Variants in ABCB1 observed in about 807,000 individuals in gnomAD.
ABCB1 encodes the protein ATP binding cassette subfamily B member 1, also known as ATP-dependent translocase ABCB1.
ABCB1 carries 69 observed loss-of-function variants against 142.0 expected under a neutral mutation model. That is an observed-to-expected ratio of 0.49 (90% CI 0.40 to 0.59). The LOEUF is 0.59. Among genes scored for constraint, ABCB1 ranks in the 20% least tolerant of loss-of-function variants. ABCB1 has a pLI of 0.00. For synonymous variants in ABCB1, 532 were observed against 539.2 expected, an observed-to-expected ratio of 0.99 and a Z score of 0.18; for missense variants, 1,326 against 1,554.7, an observed-to-expected ratio of 0.85 and a Z score of 2.47.
At chr7:87,506,575 C>G (rs1814759725) in intron 26 of ABCB1, among the ~76,000 whole-genome samples, 16 of 152,228 alleles carry the variant, frequency 1.1e-4, no homozygotes, top group Middle Eastern at 6.8e-3. Flanking sequence ...ATTTTGATAT[C>G]TAACTTTGAA....
chr7:87,513,729 G>T (rs1463607043), intron 25 of ABCB1, among the ~76,000 whole-genome samples: 1 of 152,132 alleles, frequency 6.6e-6, no homozygotes, highest in Non-Finnish European at 1.5e-5. Context: ...TATCTCTTAA[G>T]AACTAGCTCT....
chr7:87,530,052 C>A (rs1210064128), intron 21 of ABCB1, among the ~76,000 whole-genome samples: 1 of 152,206 alleles, frequency 6.6e-6, no homozygotes, highest in African/African-American at 2.4e-5. Flanking sequence ...GATAAAGAGT[C>A]TGAAGAGATA....
At chr7:87,539,930 A>G (rs1309285595) in intron 18 of ABCB1, among the ~76,000 whole-genome samples, 2 of 152,142 alleles carry the variant, frequency 1.3e-5, no homozygotes, top group Non-Finnish European at 2.9e-5. Flanking sequence ...TTCTTAACCA[A>G]ATTTACATTG....
At chr7:87,573,704 C>T (rs996543782) in intron 4 of ABCB1, among the ~76,000 whole-genome samples, 1 of 152,112 alleles carries the variant, frequency 6.6e-6, no homozygotes, top group African/African-American at 2.4e-5. Context: ...GCAATCTTGC[C>T]ACAATATACA....
In ABCB1 at chr7:87,516,631, C is replaced by T. The variant is rs753967146; in HGVS notation, c.2962G>A (p.Val988Met). 121 of 1,613,614 alleles carry T rather than the reference C, an allele frequency of 7.5e-5. 1 individual carries two copies. The highest frequency in any genetic ancestry group is 3.3e-4 in the Middle Eastern group (2 of 6,082). The change falls in exon 24 of 28, where the codon GTG becomes ATG. Residue 988 changes from valine (V) to methionine (M), a missense_variant. Coordinates refer to ENST00000622132, the MANE Select transcript of ABCB1 (RefSeq NM_001348946.2). ...GGAGCAAATGAACTGACTTGCCCCACGGCCATGGCACCAAAGACAACAGCT... is the reference window on the plus strand; with the variant it reads ...GGAGCAAATGAACTGACTTGCCCCATGGCCATGGCACCAAAGACAACAGCT... ...FSAVVFGAMA[V>M]GQVSSFAPDY...
At chr7:87,546,114 T>A in intron 14 of ABCB1, 90 bp from the exon 15 acceptor site, 1 of 1,327,772 alleles carries the variant, frequency 7.5e-7, no homozygotes, top group South Asian at 1.2e-5. Context: ...ACCAATGCTG[T>A]GGGCATTGTA....
intron 1 of ABCB1, among the ~76,000 whole-genome samples, chr7:87,712,122 T>G (rs1244421474): frequency 1.3e-5 from 2 of 152,134 alleles, no homozygotes; most frequent in African/African-American, 4.8e-5. Context: ...CTTTTAATTT[T>G]GAGATACAAA....
upstream of ABCB1, among the ~76,000 whole-genome samples, chr7:87,604,585 T>A (rs1213178923): frequency 6.6e-6 from 1 of 152,120 alleles, no homozygotes; most frequent in Non-Finnish European, 1.5e-5. Context: ...CTTGAACTCA[T>A]GTTGGATTAC....
chr7:87,575,633 G>A (rs1818241634), intron 4 of ABCB1, among the ~76,000 whole-genome samples: 2 of 151,964 alleles, frequency 1.3e-5, no homozygotes, highest in Admixed American at 6.6e-5. Flanking sequence ...AGGGGAATTT[G>A]GATCTTTTGC....
At chr7:87,544,678 A>T in intron 16 of ABCB1, 145 bp downstream of exon 16, 1 of 792,574 alleles carries the variant, frequency 1.3e-6, no homozygotes, top group South Asian at 1.7e-5. Flanking sequence ...TTCTAACCTG[A>T]TTCTAAAATG....
intron 8 of ABCB1, 22 bp downstream of exon 8, chr7:87,561,241 C>G: frequency 6.2e-7 from 1 of 1,612,804 alleles, no homozygotes; most frequent in African/African-American, 1.3e-5. Context: ...CATATCTATC[C>G]ATTTAAAAAA....
intron 3 of ABCB1, among the ~76,000 whole-genome samples, chr7:87,586,785 T>G (rs1281133810): frequency 6.6e-6 from 1 of 152,044 alleles, no homozygotes; most frequent in Admixed American, 6.6e-5. Flanking sequence ...GACTGCCGAG[T>G]GGAGAAATAA....
intron 4 of ABCB1, among the ~76,000 whole-genome samples, chr7:87,583,245 C>T (rs1199051497): frequency 6.6e-6 from 1 of 152,108 alleles, no homozygotes; most frequent in African/African-American, 2.4e-5. Context: ...TCACAACCAT[C>T]CTGAGAAGTA....
chr7:87,640,005 T>G (rs1207263565), intron 1 of ABCB1, among the ~76,000 whole-genome samples: 6 of 151,094 alleles, frequency 4.0e-5, no homozygotes, highest in African/African-American at 7.2e-5. Flanking sequence ...TGATTCCAGT[T>G]TTTTACTTTG....
intron 1 of ABCB1, among the ~76,000 whole-genome samples, chr7:87,708,654 C>G (rs980778112): frequency 6.6e-6 from 1 of 151,482 alleles, no homozygotes; most frequent in Non-Finnish European, 1.5e-5. Context: ...TTTTTTTAAA[C>G]TCTCTTAAAT....
chr7:87,608,003 A>G (rs990902712), intron 1 of ABCB1, among the ~76,000 whole-genome samples: 2 of 152,184 alleles, frequency 1.3e-5, no homozygotes, highest in African/African-American at 4.8e-5. Flanking sequence ...GAAGCTATAT[A>G]CCAATTTCAA....
intron 20 of ABCB1, among the ~76,000 whole-genome samples, chr7:87,533,087 G>A (rs1445405130): frequency 1.3e-5 from 2 of 152,100 alleles, no homozygotes; most frequent in South Asian, 2.1e-4. Context: ...CAATCATTGA[G>A]CTTATATTAA....
At chr7:87,597,457 A>C (rs1258026528) in intron 2 of ABCB1, among the ~76,000 whole-genome samples, 2 of 152,120 alleles carry the variant, frequency 1.3e-5, no homozygotes, top group Non-Finnish European at 2.9e-5. Context: ...AATAAGAACT[A>C]CTTTAAAATA....
intron 1 of ABCB1, among the ~76,000 whole-genome samples, chr7:87,689,704 G>C (rs1251843207): frequency 6.6e-6 from 1 of 152,068 alleles, no homozygotes; most frequent in Non-Finnish European, 1.5e-5. Context: ...AATAATCCCA[G>C]TTCCTACATC....
Sources: allele counts gnomAD v4.1 joint callset (sites outside exome capture counted in the v4.1 genomes callset), GRCh38; gene constraint gnomAD v4.1.1; transcripts MANE v1.5; gene names NCBI Gene and HGNC (gene_info 2026-07-23, HGNC 2026-07-21).